The following RAB2A variants were observed in gnomAD, a reference collection of about 807,000 sequenced individuals.
RAB2A encodes the protein ras-related protein Rab-2A.
Under a neutral mutation model 32.5 loss-of-function variants are expected in RAB2A, and 7 were observed. The ratio of observed to expected loss-of-function variants is 0.22; its 90% CI spans 0.12 to 0.40. The LOEUF is 0.40. Among genes scored for constraint, RAB2A ranks in the 10% least tolerant of loss-of-function variants. RAB2A has a pLI of 1.00. For missense variants in RAB2A, 108 were observed against 260.7 expected, an observed-to-expected ratio of 0.41 and a Z score of 4.03; for synonymous variants, 79 against 85.2, an observed-to-expected ratio of 0.93 and a Z score of 0.40.
chr8:60,531,756 T>G (rs927420703), intron 1 of RAB2A, among the ~76,000 whole-genome samples: 2 of 151,754 alleles, frequency 1.3e-5, no homozygotes, highest in African/African-American at 4.8e-5. Context: ...TCACTAGTCT[T>G]CAGGGAAGAG....
At chr8:60,565,676 A>ATT (rs71252885) in intron 2 of RAB2A, among the ~76,000 whole-genome samples, 3 of 97,708 alleles carry the variant, frequency 3.1e-5, no homozygotes, top group Admixed American at 1.3e-4. Context: ...TCTGTAGCTG[A>ATT]TTTTTTTTTT....
chr8:60,590,848 T>C (rs2130853229), intron 5 of RAB2A, among the ~76,000 whole-genome samples: 1 of 151,524 alleles, frequency 6.6e-6, no homozygotes, highest in South Asian at 2.1e-4. Flanking sequence ...AAATACTATT[T>C]ATGGTTATAA....
chr8:60,595,121 A>G (rs1372409593), intron 6 of RAB2A, among the ~76,000 whole-genome samples: 1 of 152,216 alleles, frequency 6.6e-6, no homozygotes, highest in Non-Finnish European at 1.5e-5. Context: ...GAAGTTTTCT[A>G]ATAGAAGTGA....
chr8:60,561,918 CTGTT>C (rs562409970), intron 2 of RAB2A, among the ~76,000 whole-genome samples: 91 of 152,314 alleles, frequency 6.0e-4, no homozygotes, highest in African/African-American at 2.1e-3. Context: ...GTTCTCTACT[CTGTT>C]TATAAACCAT....
intron 1 of RAB2A, among the ~76,000 whole-genome samples, chr8:60,540,002 A>T (rs147724947): frequency 6.6e-6 from 1 of 151,832 alleles, no homozygotes; most frequent in Admixed American, 6.6e-5. Context: ...TACATGTGAC[A>T]GGTTAAGGTA....
intron 1 of RAB2A, among the ~76,000 whole-genome samples, chr8:60,556,404 C>T (rs1807938793): frequency 6.6e-6 from 1 of 151,912 alleles, no homozygotes. Context: ...TTGAGGTGAA[C>T]AGATATGCTG....
chr8:60,525,317 C>G (rs912925932), intron 1 of RAB2A, among the ~76,000 whole-genome samples: 1 of 152,162 alleles, frequency 6.6e-6, no homozygotes, highest in African/African-American at 2.4e-5. Context: ...CTGTTTTTCT[C>G]CTGCCGCCAC....
intron 1 of RAB2A, among the ~76,000 whole-genome samples, chr8:60,556,133 C>T (rs902004042): frequency 6.6e-6 from 1 of 151,994 alleles, no homozygotes; most frequent in Non-Finnish European, 1.5e-5. Context: ...TGCATGTTCT[C>T]GTATCCACAA....
chr8:60,570,040 C>T (rs543000395), intron 2 of RAB2A: 5 of 456,050 alleles, frequency 1.1e-5, no homozygotes, highest in Non-Finnish European at 2.2e-5. Flanking sequence ...CTCATCTGCT[C>T]GGATGGAATG....
At chr8:60,598,250 CAT>C (rs1186855781) in intron 6 of RAB2A, among the ~76,000 whole-genome samples, 1 of 152,140 alleles carries the variant, frequency 6.6e-6, no homozygotes, top group African/African-American at 2.4e-5. Context: ...AAATTGAATT[CAT>C]AGTTTTAAAA....
At chr8:60,612,956 G>A (rs1464799862) in intron 6 of RAB2A, among the ~76,000 whole-genome samples, 4 of 152,146 alleles carry the variant, frequency 2.6e-5, no homozygotes, top group Non-Finnish European at 4.4e-5. Context: ...GATGATATAC[G>A]AGTTTTTCTT....
chr8:60,598,915 A>G (rs986284685), intron 6 of RAB2A, among the ~76,000 whole-genome samples: 8 of 130,068 alleles, frequency 6.2e-5, no homozygotes, highest in African/African-American at 2.2e-4. Flanking sequence ...TATTGATGGA[A>G]GTTCTAGCCA....
chr8:60,519,550 T>C (rs1467713547), intron 1 of RAB2A, among the ~76,000 whole-genome samples: 1 of 152,232 alleles, frequency 6.6e-6, no homozygotes, highest in Non-Finnish European at 1.5e-5. Context: ...GTATCCTGGC[T>C]GAAAGTGACT....
chr8:60,584,628 G>C (rs1344463171), intron 4 of RAB2A, 95 bp from the exon 5 acceptor site: 1 of 1,029,714 alleles, frequency 9.7e-7, no homozygotes, highest in Non-Finnish European at 1.4e-6. Flanking sequence ...AGTGGATATG[G>C]CTAAAAGTGG....
chr8:60,574,540 A>G (rs950054043), intron 3 of RAB2A, among the ~76,000 whole-genome samples: 1 of 152,214 alleles, frequency 6.6e-6, no homozygotes, highest in African/African-American at 2.4e-5. Flanking sequence ...TTTAGGCATA[A>G]ACCACTTCAT....
chr8:60,589,092 G>A (rs1285574265), intron 5 of RAB2A, among the ~76,000 whole-genome samples: 1 of 152,150 alleles, frequency 6.6e-6, no homozygotes, highest in Non-Finnish European at 1.5e-5. Flanking sequence ...TAGTTATTCT[G>A]TCATTCAAGG....
chr8:60,586,263 C>CTCCA (rs2130850199), intron 5 of RAB2A, among the ~76,000 whole-genome samples: 1 of 151,536 alleles, frequency 6.6e-6, no homozygotes, highest in East Asian at 1.9e-4. Context: ...TGCCACTGTA[C>CTCCA]TCCAGCCTGA....
intron 6 of RAB2A, among the ~76,000 whole-genome samples, chr8:60,612,452 A>G (rs568508426): frequency 6.6e-6 from 1 of 152,334 alleles, no homozygotes; most frequent in African/African-American, 2.4e-5. Context: ...ACTTCCAAAA[A>G]TAATCCTAGA....
At chr8:60,537,192 T>A (rs1245946075) in intron 1 of RAB2A, among the ~76,000 whole-genome samples, 1 of 152,174 alleles carries the variant, frequency 6.6e-6, no homozygotes, top group East Asian at 1.9e-4. Context: ...AATTTCTAAG[T>A]GTTCTTATTC....
Sources: allele counts gnomAD v4.1 joint callset (sites outside exome capture counted in the v4.1 genomes callset), GRCh38; gene constraint gnomAD v4.1.1; transcripts MANE v1.5; gene names NCBI Gene and HGNC (gene_info 2026-07-23, HGNC 2026-07-21).